Variants in XKR6 observed in about 807,000 individuals in gnomAD.
XKR6 encodes XK-related protein 6.
Under a neutral mutation model 56.7 loss-of-function variants are expected in XKR6, and 22 were observed. The observed-to-expected ratio is 0.39, with a 90% CI of 0.28 to 0.55. The LOEUF (loss-of-function observed/expected upper bound fraction) is 0.55, where lower values mean the gene tolerates loss of function less well. XKR6 is among the 20% of genes least tolerant of loss of function. The pLI, the probability that XKR6 is intolerant of heterozygous loss-of-function variation, is 0.66. For synonymous variants in XKR6, 524 were observed against 387.8 expected (o/e 1.35, Z -4.13); for missense variants, 852 against 889.0 (o/e 0.96, Z 0.53).
chr8:11,151,825 C>G (rs1241717687), intron 1 of XKR6, among the ~76,000 whole-genome samples: 1 of 152,038 alleles, frequency 6.6e-6, no homozygotes, highest in African/African-American at 2.4e-5. Context: ...CAGTAGCTCC[C>G]ATCAGCAAGG....
intron 1 of XKR6, among the ~76,000 whole-genome samples, chr8:10,932,724 T>G (rs1365412402): frequency 7.7e-6 from 1 of 130,542 alleles, no homozygotes; most frequent in Non-Finnish European, 1.7e-5. Context: ...TGATTTCCAA[T>G]TTCATCCATG....
At chr8:11,198,518 A>G (rs1301187285) in intron 1 of XKR6, among the ~76,000 whole-genome samples, 1 of 71,198 alleles carries the variant, frequency 1.4e-5, no homozygotes, top group Non-Finnish European at 4.0e-5. Flanking sequence ...TAAGATCAGA[A>G]AAAAAAAAAA....
rs535990314 is a variant in XKR6, at chr8:11,113,702, T to C, written c.764+86874A>G. On this transcript the variant is annotated intron_variant, in intron 1 of 2. Coordinates refer to ENST00000416569, the MANE Select transcript of XKR6 (RefSeq NM_173683.4). ...AATCTCCAACTCCTAATGGCTCAGG[T>C]TTTTTCATATAATAAATATTTTGTT... 1.3e-4 allele frequency among the ~76,000 whole-genome samples: 20 copies of C among 152,198 alleles called. 1 individual carries two copies. Among genetic ancestry groups the C allele is most frequent in the African/African-American group, 4.6e-4 (19 of 41,532 alleles).
chr8:10,909,616 C>T (rs1036335257), intron 2 of XKR6, among the ~76,000 whole-genome samples: 2 of 152,144 alleles, frequency 1.3e-5, no homozygotes, highest in Non-Finnish European at 2.9e-5. Context: ...AGTAGGCAAA[C>T]AAGGGAAGGG....
At chr8:10,954,866 CTTT>C (rs34248780) in intron 1 of XKR6, among the ~76,000 whole-genome samples, 1 of 92,798 alleles carries the variant, frequency 1.1e-5, no homozygotes, top group African/African-American at 4.3e-5. Context: ...ACTTCATTCT[CTTT>C]TTTTTTTTTT....
chr8:10,972,131 G>A (rs760073424), intron 1 of XKR6, among the ~76,000 whole-genome samples: 2 of 152,060 alleles, frequency 1.3e-5, no homozygotes, highest in Admixed American at 6.5e-5. Flanking sequence ...TTCCGACCCC[G>A]ACTGCTTGGG....
intron 1 of XKR6, chr8:11,195,201 G>T: frequency 1.4e-6 from 1 of 703,046 alleles, no homozygotes; most frequent in South Asian, 1.5e-5. Flanking sequence ...TTTCCTTGAT[G>T]GTACCAAAGG....
At chr8:11,052,579 T>C (rs1056330906) in intron 1 of XKR6, among the ~76,000 whole-genome samples, 1 of 152,040 alleles carries the variant, frequency 6.6e-6, no homozygotes, top group Admixed American at 6.6e-5. Flanking sequence ...TTCAGCCCCG[T>C]TCCTGGACGT....
intron 1 of XKR6, among the ~76,000 whole-genome samples, chr8:10,980,474 G>A (rs754924950): frequency 1.1e-4 from 16 of 152,214 alleles, no homozygotes; most frequent in African/African-American, 3.9e-4. Context: ...GGACAGGGAT[G>A]CTCATTCATT....
At chr8:11,182,387 G>A (rs1053451865) in intron 1 of XKR6, among the ~76,000 whole-genome samples, 3 of 152,186 alleles carry the variant, frequency 2.0e-5, no homozygotes, top group East Asian at 1.9e-4. Flanking sequence ...TCACTGTGGC[G>A]CATTAACACC....
intron 1 of XKR6, among the ~76,000 whole-genome samples, chr8:11,144,616 T>C (rs1800884778): frequency 6.6e-6 from 1 of 151,894 alleles, no homozygotes; most frequent in South Asian, 2.1e-4. Context: ...TGGGTAACTG[T>C]CCTCCCTCAC....
intron 1 of XKR6, among the ~76,000 whole-genome samples, chr8:11,118,063 T>C (rs551110095): frequency 6.6e-6 from 1 of 152,198 alleles, no homozygotes; most frequent in Admixed American, 6.5e-5. Context: ...TGTTAAAATC[T>C]GCATGCTTTT....
intron 1 of XKR6, among the ~76,000 whole-genome samples, chr8:11,157,158 A>G (rs995416797): frequency 2.6e-5 from 4 of 152,220 alleles, no homozygotes; most frequent in African/African-American, 7.2e-5. Context: ...GCAAGCCTCC[A>G]AACTGTCAGG....
intron 1 of XKR6, among the ~76,000 whole-genome samples, chr8:11,042,044 T>C (rs910410804): frequency 6.6e-6 from 1 of 152,194 alleles, no homozygotes; most frequent in African/African-American, 2.4e-5. Context: ...AATTTTGCAG[T>C]GGTCCTTTAT....
intron 1 of XKR6, among the ~76,000 whole-genome samples, chr8:10,982,148 T>G (rs1797749580): frequency 1.3e-5 from 2 of 152,244 alleles, no homozygotes; most frequent in Admixed American, 1.3e-4. Flanking sequence ...TCTGATGACT[T>G]TCTTATCAGC....
intron 1 of XKR6, among the ~76,000 whole-genome samples, chr8:11,154,163 T>C (rs949945590): frequency 2.6e-5 from 4 of 152,046 alleles, no homozygotes; most frequent in Non-Finnish European, 5.9e-5. Flanking sequence ...TAGGGTAGGG[T>C]TGGCCATATG....
At chr8:11,018,220 C>A (rs1182188190) in intron 1 of XKR6, among the ~76,000 whole-genome samples, 2 of 147,430 alleles carry the variant, frequency 1.4e-5, no homozygotes, top group African/African-American at 4.9e-5. Flanking sequence ...ACTCCCAACT[C>A]CCTCCCTGCC....
At chr8:10,911,549 A>G (rs550541898) in intron 2 of XKR6, among the ~76,000 whole-genome samples, 37 of 148,196 alleles carry the variant, frequency 2.5e-4, no homozygotes, top group Non-Finnish European at 4.2e-4. Flanking sequence ...ATATATATAT[A>G]TAGAGAGAAT....
rs371755859 is a variant in XKR6 at position 10,897,925 on chromosome 8, C to G, written c.*27G>C. Reference sequence around the variant, plus strand: ...GTTTGCCGCAAACCAAACTTAAGGTCCCCTTCTCAACTTGGTCAAGATGCT... The same window carrying G: ...GTTTGCCGCAAACCAAACTTAAGGTGCCCTTCTCAACTTGGTCAAGATGCT... On this transcript the variant is annotated 3_prime_UTR_variant, in exon 3 of 3. Transcript: ENST00000416569. 233 of 1,527,636 alleles carry G rather than the reference C, an allele frequency of 1.5e-4. No individual in the cohort carries two copies. Among genetic ancestry groups the G allele is most frequent in the Non-Finnish European group, 2.0e-4 (224 of 1,138,168 alleles). The allele number at this position is 1,527,636 out of a possible 1,614,324, so 94.6% of individuals were successfully genotyped here. A position where few individuals can be genotyped will look rare whatever the true frequency, so the allele number is the denominator to read the frequency against.
Sources: gnomAD v4.1 joint callset for allele counts (sites outside exome capture counted in the v4.1 genomes callset) on GRCh38, gnomAD v4.1.1 for gene constraint, MANE v1.5 for transcripts, NCBI Gene and HGNC (gene_info 2026-07-23, HGNC 2026-07-21) for gene names.